The following DLG2 variants were observed in gnomAD, a reference collection of about 807,000 sequenced individuals.
The protein encoded by DLG2 is discs large MAGUK scaffold protein 2, also known as disks large homolog 2.
Under a neutral mutation model 132.5 loss-of-function variants are expected in DLG2, and 45 were observed. That is an observed-to-expected ratio of 0.34 (90% CI 0.27 to 0.44). The LOEUF is 0.44. DLG2 is among the 20% of genes least tolerant of loss of function. The pLI is 1.00. For missense variants in DLG2, 1,045 were observed against 1,196.9 expected, an observed-to-expected ratio of 0.87 and a Z score of 1.87; for synonymous variants, 424 against 419.6, an observed-to-expected ratio of 1.01 and a Z score of -0.13.
At chr11:84,711,031 TAG>T (rs55655744) in intron 6 of DLG2, among the ~76,000 whole-genome samples, 32,861 of 124,524 alleles carry the variant, frequency 0.26, 3,844 homozygotes, top group African/African-American at 0.4. Context: ...TATATATATA[TAG>T]AGCTGAAAAA....
Position 85,427,743 on chromosome 11 carries a change from A to G in DLG2, c.41-142378T>C, listed in dbSNP as rs2090872123. 2.0e-5 allele frequency among the ~76,000 whole-genome samples: 3 copies of G among 152,236 alleles called. No homozygotes were observed. The South Asian group carries it at 6.2e-4, about 32-fold the overall frequency. ...CTAATGAGCAAAATAACCAGCTGAC[A>G]TCATAATGACAGGATCAAATTCACA... On this transcript the variant is annotated intron_variant, in intron 3 of 27. Coordinates refer to ENST00000376104, the MANE Select transcript of DLG2 (RefSeq NM_001142699.3).
intron 18 of DLG2, among the ~76,000 whole-genome samples, chr11:83,700,056 G>A (rs530605904): frequency 2.9e-4 from 44 of 151,166 alleles, no homozygotes; most frequent in African/African-American, 1.0e-3. Context: ...AATGAGGGCA[G>A]GAGAGGAACA....
At chr11:84,132,626 G>A (rs1331736597) in intron 9 of DLG2, among the ~76,000 whole-genome samples, 1 of 151,846 alleles carries the variant, frequency 6.6e-6, no homozygotes, top group African/African-American at 2.4e-5. Flanking sequence ...TATATTCACT[G>A]GTAAACAAAA....
intron 6 of DLG2, among the ~76,000 whole-genome samples, chr11:84,768,070 C>A (rs951342481): frequency 1.3e-5 from 2 of 152,140 alleles, no homozygotes; most frequent in Non-Finnish European, 2.9e-5. Context: ...GGGCAAATGA[C>A]CCTTCTTTTA....
chr11:84,412,309 T>C (rs1472240600), intron 7 of DLG2, among the ~76,000 whole-genome samples: 1 of 151,820 alleles, frequency 6.6e-6, no homozygotes. Context: ...GCTGAGTTAT[T>C]CTTTTGTTCA....
At chr11:85,342,557 G>GTATATA (rs2082571630) in intron 3 of DLG2, among the ~76,000 whole-genome samples, 1 of 152,112 alleles carries the variant, frequency 6.6e-6, no homozygotes. Context: ...TAAGTCAAAG[G>GTATATA]AGTACACTCT....
At chr11:83,496,781 A>C (rs557751963) in intron 21 of DLG2, among the ~76,000 whole-genome samples, 2 of 152,294 alleles carry the variant, frequency 1.3e-5, no homozygotes, top group East Asian at 1.9e-4. Flanking sequence ...GTTAGGAAGG[A>C]TGTCTAATCC....
intron 7 of DLG2, among the ~76,000 whole-genome samples, chr11:84,261,323 T>G (rs1002907227): frequency 6.6e-6 from 1 of 152,176 alleles, no homozygotes; most frequent in Non-Finnish European, 1.5e-5. Flanking sequence ...TGTCTTTGTT[T>G]TCATTTCTTC....
At chr11:83,743,351 A>T (rs1033202789) in intron 18 of DLG2, among the ~76,000 whole-genome samples, 5 of 148,566 alleles carry the variant, frequency 3.4e-5, no homozygotes, top group Non-Finnish European at 4.4e-5. Flanking sequence ...TTCTTTTTCT[A>T]TGCCCTAAGC....
intron 18 of DLG2, among the ~76,000 whole-genome samples, chr11:83,747,050 T>C (rs2092961451): frequency 6.6e-6 from 1 of 152,134 alleles, no homozygotes; most frequent in African/African-American, 2.4e-5. Context: ...GATGGACATA[T>C]AATAACCTTA....
intron 3 of DLG2, among the ~76,000 whole-genome samples, chr11:85,311,168 C>A (rs1332314796): frequency 6.6e-6 from 1 of 152,128 alleles, no homozygotes; most frequent in Non-Finnish European, 1.5e-5. Context: ...TGCTATTTGG[C>A]CCGTTACAGA....
chr11:84,615,564 T>A (rs2099602455), intron 6 of DLG2, among the ~76,000 whole-genome samples: 1 of 151,996 alleles, frequency 6.6e-6, no homozygotes, highest in Non-Finnish European at 1.5e-5. Flanking sequence ...GACACAGTCC[T>A]TAGCTATATA....
chr11:85,227,685 G>C lies in DLG2; in HGVS notation c.186+57535C>G, dbSNP rs548114946. Among the ~76,000 whole-genome samples, 4 of 152,120 alleles carry C rather than the reference G, an allele frequency of 2.6e-5. No individual in the cohort carries two copies. In the East Asian group the frequency reaches 7.7e-4, roughly 29 times the overall value. ...ATATATCAAACAATGTTTCTCCTCT[G>C]TTCAAAACCCCCTCCAATGGCTTCC... On this transcript the variant is annotated intron_variant, in intron 4 of 27. Transcript: ENST00000376104.
intron 16 of DLG2, among the ~76,000 whole-genome samples, chr11:83,856,140 T>C (rs1024055069): frequency 1.3e-5 from 2 of 152,170 alleles, no homozygotes; most frequent in South Asian, 2.1e-4. Flanking sequence ...TCCAGCTCCA[T>C]CCATATTCTT....
At chr11:84,996,160 T>C (rs1442254023) in intron 6 of DLG2, among the ~76,000 whole-genome samples, 1 of 152,124 alleles carries the variant, frequency 6.6e-6, no homozygotes, top group East Asian at 1.9e-4. Context: ...CTTTATGTTG[T>C]GTATTTTCAT....
intron 19 of DLG2, among the ~76,000 whole-genome samples, chr11:83,598,261 GTTCT>G (rs1370757667): frequency 6.6e-5 from 10 of 152,336 alleles, no homozygotes; most frequent in African/African-American, 2.4e-4. Flanking sequence ...CTCTTTGGCT[GTTCT>G]TTCAGAGAAG....
chr11:84,397,976 T>C (rs575340810), intron 7 of DLG2, among the ~76,000 whole-genome samples: 3 of 152,336 alleles, frequency 2.0e-5, no homozygotes, highest in Non-Finnish European at 4.4e-5. Context: ...AAAAATCAAT[T>C]ATACATGAAC....
chr11:85,481,292 A>G (rs983274086), intron 3 of DLG2, among the ~76,000 whole-genome samples: 3 of 152,176 alleles, frequency 2.0e-5, no homozygotes, highest in Admixed American at 1.3e-4. Flanking sequence ...TATCAGCAAG[A>G]TGGCAGAATA....
chr11:84,988,196 C>G (rs2056710725), intron 6 of DLG2, among the ~76,000 whole-genome samples: 2 of 152,124 alleles, frequency 1.3e-5, no homozygotes, highest in Non-Finnish European at 2.9e-5. Context: ...AATTTGATAC[C>G]ACCTTACTCC....
Sources: gnomAD v4.1 joint callset for allele counts (sites outside exome capture counted in the v4.1 genomes callset) on GRCh38, gnomAD v4.1.1 for gene constraint, MANE v1.5 for transcripts, NCBI Gene and HGNC (gene_info 2026-07-23, HGNC 2026-07-21) for gene names.